Variants in STPG2 observed in about 807,000 individuals in gnomAD.
STPG2 encodes the protein sperm tail PG-rich repeat containing 2.
In STPG2, 56 loss-of-function variants were observed where a neutral mutation model predicts 54.2. The observed-to-expected ratio is 1.03, with a 90% confidence interval of 0.83 to 1.29. STPG2 has a LOEUF of 1.29. STPG2 is among the 50% of genes most tolerant of loss of function. The pLI is 0.00. For missense variants in STPG2, 596 were observed against 544.9 expected, an observed-to-expected ratio of 1.09 and a Z score of -0.93; for synonymous variants, 200 against 181.8, an observed-to-expected ratio of 1.10 and a Z score of -0.81.
At chr4:97,544,572 T>C (rs1731794367) in intron 4 of STPG2, among the ~76,000 whole-genome samples, 1 of 151,984 alleles carries the variant, frequency 6.6e-6, no homozygotes, top group African/African-American at 2.4e-5. Context: ...AAGAAAATCA[T>C]ATAAAAATAT....
intron 9 of STPG2, among the ~76,000 whole-genome samples, chr4:97,728,987 G>A (rs1299514836): frequency 1.3e-5 from 2 of 151,682 alleles, no homozygotes; most frequent in Non-Finnish European, 2.9e-5. Flanking sequence ...AGCAGAGTGG[G>A]AGAAAGAAAG....
intron 10 of STPG2, among the ~76,000 whole-genome samples, chr4:97,684,911 G>T (rs745813755): frequency 6.6e-6 from 1 of 151,872 alleles, no homozygotes; most frequent in Non-Finnish European, 1.5e-5. Flanking sequence ...ATAGGAAAAA[G>T]ATATGAACAG....
intron 8 of STPG2, among the ~76,000 whole-genome samples, chr4:97,898,981 C>T (rs2149183371): frequency 6.6e-6 from 1 of 151,528 alleles, no homozygotes; most frequent in Middle Eastern, 3.4e-3. Flanking sequence ...AGCAATCAGG[C>T]AAGAGAAAAA....
chr4:97,857,500 T>C (rs1729372411), intron 8 of STPG2, among the ~76,000 whole-genome samples: 2 of 152,158 alleles, frequency 1.3e-5, no homozygotes, highest in South Asian at 4.1e-4. Context: ...GGGTCAGTGG[T>C]GATATCCCCT....
chr4:97,875,517 T>G (rs1730143546), intron 8 of STPG2, among the ~76,000 whole-genome samples: 1 of 151,934 alleles, frequency 6.6e-6, no homozygotes, highest in South Asian at 2.1e-4. Flanking sequence ...AATAATAATT[T>G]TAAAAAACAA....
intron 10 of STPG2, among the ~76,000 whole-genome samples, chr4:97,569,044 C>T (rs567892647): frequency 3.9e-5 from 6 of 152,048 alleles, no homozygotes; most frequent in Admixed American, 6.5e-5. Flanking sequence ...ATTAAGTAAA[C>T]GAATAAAAGA....
At chr4:97,981,450 G>A (rs1020797952) in intron 5 of STPG2, 132 bp from the exon 6 acceptor site, 2 of 878,726 alleles carry the variant, frequency 2.3e-6, no homozygotes, top group Non-Finnish European at 1.7e-6. Context: ...AGAAAATGTA[G>A]ATGAACTAAG....
chr4:97,834,818 A>G (rs1461678644), intron 9 of STPG2, among the ~76,000 whole-genome samples: 1 of 151,976 alleles, frequency 6.6e-6, no homozygotes, highest in Admixed American at 6.6e-5. Context: ...TATTGCCCTG[A>G]CCATACCTAC....
At chr4:97,562,952 A>C (rs377312747) in intron 10 of STPG2, among the ~76,000 whole-genome samples, 14 of 151,916 alleles carry the variant, frequency 9.2e-5, no homozygotes, top group African/African-American at 2.9e-4. Context: ...TGATGCTGGC[A>C]TCATAAAATG....
intron 9 of STPG2, among the ~76,000 whole-genome samples, chr4:97,713,491 A>G (rs1724195953): frequency 2.0e-5 from 3 of 152,218 alleles, no homozygotes; most frequent in African/African-American, 2.4e-5. Flanking sequence ...TTCATAGACA[A>G]TGGGTAGCTC....
At chr4:97,619,239 A>ATG (rs564830016) in intron 10 of STPG2, among the ~76,000 whole-genome samples, 54 of 150,828 alleles carry the variant, frequency 3.6e-4, no homozygotes, top group East Asian at 3.9e-4. Flanking sequence ...GTGTGTGTGT[A>ATG]TGTGTGTGTG....
At chr4:98,133,407 T>C (rs1740053872) in intron 2 of STPG2, among the ~76,000 whole-genome samples, 2 of 152,026 alleles carry the variant, frequency 1.3e-5, no homozygotes, top group African/African-American at 2.4e-5. Context: ...TCACAGAGCC[T>C]ATCTCTAGCG....
chr4:97,927,379 T>C (rs1355573123), intron 8 of STPG2, among the ~76,000 whole-genome samples: 5 of 152,090 alleles, frequency 3.3e-5, no homozygotes, highest in Admixed American at 2.6e-4. Context: ...TTCTGAGCCA[T>C]AAATTGACCT....
intron 5 of STPG2, among the ~76,000 whole-genome samples, chr4:98,053,890 G>A (rs1302141102): frequency 6.6e-6 from 1 of 152,062 alleles, no homozygotes; most frequent in Non-Finnish European, 1.5e-5. Context: ...TGGATGATAT[G>A]CTTCTAATAA....
chr4:97,524,805 T>C (rs973958636), intron 4 of STPG2, among the ~76,000 whole-genome samples: 4 of 151,972 alleles, frequency 2.6e-5, no homozygotes, highest in African/African-American at 9.7e-5. Flanking sequence ...CAAGCTAATA[T>C]TCTGAGAATG....
chr4:97,873,291 T>C (rs931517341), intron 8 of STPG2, among the ~76,000 whole-genome samples: 1 of 151,254 alleles, frequency 6.6e-6, no homozygotes, highest in African/African-American at 2.4e-5. Context: ...GTTTCCATTA[T>C]TTTCAAAATA....
intron 5 of STPG2, among the ~76,000 whole-genome samples, chr4:98,003,215 G>A (rs1318974151): frequency 6.6e-6 from 1 of 152,060 alleles, no homozygotes; most frequent in East Asian, 1.9e-4. Flanking sequence ...CACTCTAACA[G>A]ATGAAAAGTT....
chr4:97,456,782 G>A (rs1040730402), intron 4 of STPG2, among the ~76,000 whole-genome samples: 5 of 151,250 alleles, frequency 3.3e-5, no homozygotes, highest in Admixed American at 6.6e-5. Context: ...TGTAGTCCGA[G>A]CTACTCAGGA....
chr4:97,678,199 C>A (rs1405879431), intron 10 of STPG2, among the ~76,000 whole-genome samples: 1 of 151,918 alleles, frequency 6.6e-6, no homozygotes, highest in Non-Finnish European at 1.5e-5. Flanking sequence ...TTTACACTTA[C>A]AGGGTTTTTT....
Sources: gnomAD v4.1 joint callset for allele counts (sites outside exome capture counted in the v4.1 genomes callset) on GRCh38, gnomAD v4.1.1 for gene constraint, MANE v1.5 for transcripts, NCBI Gene and HGNC (gene_info 2026-07-23, HGNC 2026-07-21) for gene names.